Variants in APLF observed in about 807,000 individuals in gnomAD.
The protein encoded by APLF is aprataxin and PNKP like factor, also known as aprataxin and PNK-like factor.
Under a neutral mutation model 55.6 loss-of-function variants are expected in APLF, and 61 were observed. The ratio of observed to expected loss-of-function variants is 1.10; its 90% CI spans 0.89 to 1.36. APLF has a LOEUF of 1.36. Ranked by LOEUF, APLF falls within the 40% of genes most tolerant of loss-of-function variation. APLF has a pLI of 0.00. For missense variants in APLF, 611 were observed against 602.5 expected (o/e 1.01, Z -0.15); for synonymous variants, 207 against 214.8 (o/e 0.96, Z 0.32).
At chr2:68,570,879 C>G (rs1275226368) in intron 9 of APLF, among the ~76,000 whole-genome samples, 1 of 152,168 alleles carries the variant, frequency 6.6e-6, no homozygotes, top group Non-Finnish European at 1.5e-5. Context: ...ACACTGTCTT[C>G]CACAATGGTT....
chr2:68,565,514 GATAC>G (rs372500629), intron 8 of APLF, among the ~76,000 whole-genome samples: 2,897 of 148,992 alleles, frequency 0.019, 50 homozygotes, highest in South Asian at 0.054. Flanking sequence ...TAGACAGATA[GATAC>G]ATACATACAT....
chr2:68,575,332 G>C (rs1671592337), intron 9 of APLF, among the ~76,000 whole-genome samples: 1 of 152,168 alleles, frequency 6.6e-6, no homozygotes, highest in Non-Finnish European at 1.5e-5. Flanking sequence ...AAATAGAATT[G>C]GAACAGTGTG....
Position 68,579,085 on chromosome 2 carries a change from C to T in APLF, c.*1063C>T, listed in dbSNP as rs116247540. ...TTTATTGAAATCATAAATCACTAAG[C>T]CAAAAGAATCTTTGTTAAATGCTAT... On this transcript the variant is annotated 3_prime_UTR_variant, in exon 10 of 10. Transcript: ENST00000303795. The T allele has an allele frequency of 2.6e-4, 258 of 978,370 alleles. 1 individual carries two copies. The African/African-American group carries it at 4.3e-3, about 16-fold the overall frequency. 60.6% of individuals were successfully genotyped at this position (978,370 alleles called of 1,614,324 possible).
At chr2:68,507,701 A>C (rs1412702051) in intron 3 of APLF, among the ~76,000 whole-genome samples, 1 of 151,934 alleles carries the variant, frequency 6.6e-6, no homozygotes, top group East Asian at 1.9e-4. Context: ...GGTTTTTTGA[A>C]TGCATTAATG....
chr2:68,491,931 A>G (rs1676373439), intron 2 of APLF, among the ~76,000 whole-genome samples: 1 of 152,232 alleles, frequency 6.6e-6, no homozygotes, highest in Non-Finnish European at 1.5e-5. Flanking sequence ...CAATGATAAG[A>G]AGAAACCCTT....
intron 5 of APLF, among the ~76,000 whole-genome samples, chr2:68,516,923 A>G (rs1669597393): frequency 8.0e-6 from 1 of 125,626 alleles, no homozygotes; most frequent in Non-Finnish European, 1.6e-5. Context: ...ATATAACATT[A>G]TATATAATAT....
intron 2 of APLF, 51 bp from the exon 3 acceptor site, chr2:68,502,680 T>C (rs777870515): frequency 9.2e-7 from 1 of 1,088,374 alleles, no homozygotes; most frequent in Non-Finnish European, 1.2e-6. Context: ...TACAACATTA[T>C]TGTATTATAT....
At chr2:68,575,502 C>A (rs1671596263) in intron 9 of APLF, among the ~76,000 whole-genome samples, 1 of 151,908 alleles carries the variant, frequency 6.6e-6, no homozygotes, top group Admixed American at 6.6e-5. Flanking sequence ...GAAGAATAGA[C>A]TAGAATGGAA....
intron 1 of APLF, among the ~76,000 whole-genome samples, chr2:68,488,865 TA>T (rs1233445042): frequency 6.6e-6 from 1 of 152,098 alleles, no homozygotes; most frequent in Non-Finnish European, 1.5e-5. Context: ...CTGATATACC[TA>T]ATGCTAAATG....
chr2:68,556,983 T>G (rs1044144128), intron 8 of APLF, among the ~76,000 whole-genome samples: 16 of 152,178 alleles, frequency 1.1e-4, no homozygotes, highest in African/African-American at 3.6e-4. Flanking sequence ...TATTTGCTGA[T>G]CCTGATATGA....
intron 1 of APLF, among the ~76,000 whole-genome samples, chr2:68,477,993 A>T (rs1050730081): frequency 1.1e-4 from 17 of 151,524 alleles, no homozygotes; most frequent in African/African-American, 3.4e-4. Flanking sequence ...AAACTATACT[A>T]TATCACTCTT....
rs558767335 is a variant in APLF, at chr2:68,513,656, C to A, written c.598C>A (p.Leu200Ile). The A allele has an allele frequency of 1.9e-6, 3 of 1,611,126 alleles. No homozygotes were observed. In the Admixed American group the frequency reaches 5.0e-5, roughly 27 times the overall value. The change falls in exon 5 of 10, where the codon CTT becomes ATT. Residue 200 changes from leucine (L) to isoleucine (I), a missense_variant. Coordinates refer to ENST00000303795, the MANE Select transcript of APLF (RefSeq NM_173545.3). ...AGCAGAACATTTAAGTGATCAAAAC[C>A]TTTCAGTACCAGCAATCAGTGGAGG... is the stretch of plus-strand genomic sequence containing the variant. ...MLAEHLSDQN[L>I]SVPAISGGNV...
intron 5 of APLF, 85 bp from the exon 6 acceptor site, chr2:68,525,976 T>C: frequency 7.5e-7 from 1 of 1,332,918 alleles, no homozygotes; most frequent in Non-Finnish European, 1.0e-6. Context: ...TCTCGAATCC[T>C]TTTTCTTTTT....
chr2:68,535,428 A>G, intron 6 of APLF: 2 of 282,358 alleles, frequency 7.1e-6, no homozygotes, highest in East Asian at 1.2e-4. Context: ...ACACAGATGA[A>G]TGCACACATA....
intron 9 of APLF, among the ~76,000 whole-genome samples, chr2:68,567,607 G>A (rs1671342312): frequency 6.6e-6 from 1 of 151,720 alleles, no homozygotes; most frequent in Admixed American, 6.6e-5. Context: ...TATTTGCCTT[G>A]TATCTCTTAG....
intron 3 of APLF, among the ~76,000 whole-genome samples, chr2:68,507,664 C>T (rs1225522253): frequency 6.6e-6 from 1 of 151,746 alleles, no homozygotes; most frequent in Non-Finnish European, 1.5e-5. Flanking sequence ...ATTCTTCCTC[C>T]CCAATAGTGG....
At chr2:68,535,810 C>T (rs910310979) in intron 6 of APLF, among the ~76,000 whole-genome samples, 2 of 151,948 alleles carry the variant, frequency 1.3e-5, no homozygotes, top group African/African-American at 4.8e-5. Context: ...AGGCTTGATA[C>T]AAAGGGAATT....
At chr2:68,527,091 C>T (rs1317144223) in intron 6 of APLF, among the ~76,000 whole-genome samples, 6 of 150,870 alleles carry the variant, frequency 4.0e-5, no homozygotes, top group Admixed American at 1.3e-4. Flanking sequence ...ACTTCCCAGA[C>T]GGTGCAGGGG....
Position 68,529,009 on chromosome 2 carries a change from C to G in APLF, c.804+2767C>G. The G allele has an allele frequency of 1.3e-6, 2 of 1,506,332 alleles. No individual in the cohort carries two copies. The highest frequency in any genetic ancestry group is 1.8e-6 in the Non-Finnish European group (2 of 1,119,698). 93.3% of individuals were successfully genotyped at this position (1,506,332 alleles called of 1,614,324 possible). A position where few individuals can be genotyped will look rare whatever the true frequency, so the allele number is the denominator to read the frequency against. On this transcript the variant is annotated intron_variant, in intron 6 of 9. Transcript: ENST00000303795. The surrounding 1 kb of genome is among the most constrained non-coding windows in gnomAD (Gnocchi z 4.4). ...CCGTTGCTTCTTTGGGCTCTTCTGC[C>G]CTCACCTCCATTTTCGGGAGCCTGG...
Sources: allele counts gnomAD v4.1 joint callset (sites outside exome capture counted in the v4.1 genomes callset), GRCh38; gene constraint gnomAD v4.1.1; non-coding constraint Gnocchi (gnomAD v3.1); transcripts MANE v1.5; gene names NCBI Gene and HGNC (gene_info 2026-07-23, HGNC 2026-07-21).